JMJD1C: variants seen among roughly 807,000 people sequenced by gnomAD.
The protein encoded by JMJD1C is jumonji domain-containing protein 1C.
A neutral mutation model predicts 245.3 loss-of-function variants in JMJD1C; 31 were observed. The observed-to-expected ratio is 0.13, with a 90% CI of 0.09 to 0.17. The LOEUF (loss-of-function observed/expected upper bound fraction) is 0.17. Ranked by LOEUF, JMJD1C falls within the 10% of genes least tolerant of loss-of-function variation. The pLI is 1.00. For synonymous variants in JMJD1C, 1,057 were observed against 1,017.4 expected (o/e 1.04, Z -0.74); for missense variants, 2,691 against 3,000.2 (o/e 0.90, Z 2.41).
intron 5 of JMJD1C, 66 bp from the exon 6 acceptor site, chr10:63,215,762 T>G: frequency 1.8e-6 from 2 of 1,120,448 alleles, no homozygotes; most frequent in Non-Finnish European, 2.4e-6. Context: ...TTTGGTATAA[T>G]TTCTTTACTC....
chr10:63,484,293 C>A (rs1426720468), intron 1 of JMJD1C, among the ~76,000 whole-genome samples: 2 of 151,196 alleles, frequency 1.3e-5, no homozygotes, highest in Non-Finnish European at 2.9e-5. Context: ...ATAAGACAGA[C>A]AGATAAAAAT....
intron 2 of JMJD1C, among the ~76,000 whole-genome samples, chr10:63,362,654 A>G (rs941505531): frequency 6.6e-6 from 1 of 151,606 alleles, no homozygotes; most frequent in Non-Finnish European, 1.5e-5. Flanking sequence ...TAATTTTTGT[A>G]TTTTTTAGTA....
At position 63,211,569 on chromosome 10, in the gene JMJD1C, C is replaced by T. The variant is rs542472334; in HGVS notation, c.2694+1904G>A. On this transcript the variant is annotated intron_variant, in intron 8 of 25. Coordinates refer to ENST00000399262, the MANE Select transcript of JMJD1C (RefSeq NM_032776.3). The stretch of plus-strand genomic sequence containing the variant: ...AATGACTCCTCTCACAAACTTTTGG[C>T]ATGATGAACAGCATGCTTTTATCTA... 2.6e-5 allele frequency among the ~76,000 whole-genome samples: 4 copies of T among 151,834 alleles called. No homozygotes were observed. In the South Asian group the frequency reaches 8.3e-4, roughly 32 times the overall value.
At chr10:63,221,993 A>C (rs1466951438) in intron 3 of JMJD1C, among the ~76,000 whole-genome samples, 1 of 152,216 alleles carries the variant, frequency 6.6e-6, no homozygotes, top group Non-Finnish European at 1.5e-5. Context: ...AAGTGTTGGT[A>C]TTACAGGCGT....
At chr10:63,265,024 G>A (rs533298421) in intron 2 of JMJD1C, among the ~76,000 whole-genome samples, 2 of 152,130 alleles carry the variant, frequency 1.3e-5, no homozygotes, top group African/African-American at 4.8e-5. Flanking sequence ...CTTTTAAAAA[G>A]GGATGTAATA....
rs143431643 is a variant in JMJD1C at position 63,381,672 on chromosome 10, T to C, written c.169-1190A>G. ...ATATTTCAAAATATAAGCCATGAAC[T>C]TGAATTAGAAAGGACATTAACAAAT... is the stretch of plus-strand genomic sequence containing the variant. On this transcript the variant is annotated intron_variant, in intron 1 of 25. Coordinates refer to ENST00000399262, the MANE Select transcript of JMJD1C (RefSeq NM_032776.3). Among the ~76,000 whole-genome samples, 320 of 152,344 alleles carry C rather than the reference T, an allele frequency of 2.1e-3. 2 individuals carry two copies. The highest frequency in any genetic ancestry group is 3.4e-3 in the Middle Eastern group (1 of 294).
chr10:63,296,746 T>C (rs1201676088), intron 2 of JMJD1C, among the ~76,000 whole-genome samples: 1 of 152,214 alleles, frequency 6.6e-6, no homozygotes, highest in East Asian at 1.9e-4. Context: ...AGAATCTGCA[T>C]ATAATGAGAT....
chr10:63,357,176 G>A (rs762445915), intron 2 of JMJD1C, among the ~76,000 whole-genome samples: 2 of 152,156 alleles, frequency 1.3e-5, no homozygotes, highest in Non-Finnish European at 2.9e-5. Context: ...TGGGACTATA[G>A]ATGCGTGCCA....
chr10:63,217,113 A>G, intron 5 of JMJD1C, 94 bp downstream of exon 5: 1 of 1,162,896 alleles, frequency 8.6e-7, no homozygotes, highest in Non-Finnish European at 1.2e-6. Flanking sequence ...CTAGAGATAA[A>G]AATTATTTAG....
chr10:63,413,231 T>A (rs1028888745), intron 1 of JMJD1C, among the ~76,000 whole-genome samples: 4 of 152,102 alleles, frequency 2.6e-5, no homozygotes, highest in African/African-American at 9.7e-5. Flanking sequence ...GGAAAAGAGG[T>A]CAAAGACAAG....
chr10:63,369,493 C>T (rs1946123971), intron 2 of JMJD1C, among the ~76,000 whole-genome samples: 1 of 152,000 alleles, frequency 6.6e-6, no homozygotes, highest in Non-Finnish European at 1.5e-5. Flanking sequence ...TCATAAGATA[C>T]AAAAATAGTG....
intron 1 of JMJD1C, among the ~76,000 whole-genome samples, chr10:63,475,647 T>C (rs1436911021): frequency 6.6e-6 from 1 of 152,148 alleles, no homozygotes; most frequent in East Asian, 1.9e-4. Context: ...AATACTGGTC[T>C]AGAACAAAAG....
intron 2 of JMJD1C, among the ~76,000 whole-genome samples, chr10:63,379,004 G>A (rs908976960): frequency 6.6e-6 from 1 of 151,930 alleles, no homozygotes; most frequent in Admixed American, 6.6e-5. Flanking sequence ...AAATGCCACT[G>A]ATTCCATTCA....
chr10:63,265,496 A>G (rs1386483135), intron 2 of JMJD1C, among the ~76,000 whole-genome samples: 1 of 152,212 alleles, frequency 6.6e-6, no homozygotes, highest in Admixed American at 6.5e-5. Flanking sequence ...TGGGGATGAC[A>G]GGGACAGAGC....
At chr10:63,424,583 T>G (rs1256725230) in intron 1 of JMJD1C, among the ~76,000 whole-genome samples, 7 of 78,316 alleles carry the variant, frequency 8.9e-5, no homozygotes, top group Non-Finnish European at 2.0e-4. Context: ...TGTGGCTCAC[T>G]GCAGCCTCGA....
intron 2 of JMJD1C, among the ~76,000 whole-genome samples, chr10:63,276,484 A>C (rs1856788663): frequency 1.4e-5 from 2 of 142,082 alleles, no homozygotes; most frequent in Non-Finnish European, 3.1e-5. Flanking sequence ...AAAAAAAAAA[A>C]GACCAGCCTG....
intron 1 of JMJD1C, among the ~76,000 whole-genome samples, chr10:63,511,728 A>T (rs10740131): frequency 0.43 from 65,011 of 151,736 alleles, 14,470 homozygotes; most frequent in South Asian, 0.54. Flanking sequence ...AAAAAAAAAA[A>T]ATATATACAG....
chr10:63,470,112 A>G (rs1360682305), upstream of JMJD1C, among the ~76,000 whole-genome samples: 2 of 152,142 alleles, frequency 1.3e-5, no homozygotes, highest in Non-Finnish European at 2.9e-5. Flanking sequence ...TCTTAGTACT[A>G]CCACAACTGT....
chr10:63,240,842 A>G (rs896325100), intron 3 of JMJD1C, among the ~76,000 whole-genome samples: 1 of 152,194 alleles, frequency 6.6e-6, no homozygotes. Flanking sequence ...AAACGACTAC[A>G]AAACACAATA....
Sources: gnomAD v4.1 joint callset for allele counts (sites outside exome capture counted in the v4.1 genomes callset) on GRCh38, gnomAD v4.1.1 for gene constraint, MANE v1.5 for transcripts, NCBI Gene and HGNC (gene_info 2026-07-23, HGNC 2026-07-21) for gene names.